BAIAP2L1: variants seen among roughly 807,000 people sequenced by gnomAD.
The protein encoded by BAIAP2L1 is BAR/IMD domain containing adaptor protein 2 like 1.
BAIAP2L1 carries 35 observed loss-of-function variants against 66.3 expected under a neutral mutation model. The observed-to-expected ratio is 0.53, with a 90% confidence interval of 0.40 to 0.70. The LOEUF (loss-of-function observed/expected upper bound fraction) is 0.70, where lower values mean the gene tolerates loss of function less well. Ranked by LOEUF, BAIAP2L1 falls within the 30% of genes least tolerant of loss-of-function variation. BAIAP2L1 has a pLI of 0.00. For synonymous variants in BAIAP2L1, 269 were observed against 248.7 expected (o/e 1.08, Z -0.77); for missense variants, 622 against 656.9 (o/e 0.95, Z 0.58).
chr7:98,359,745 G>GTTTTTTTTTTTTTT (rs780836343), intron 2 of BAIAP2L1, among the ~76,000 whole-genome samples: 11 of 109,052 alleles, frequency 1.0e-4, no homozygotes, highest in Non-Finnish European at 1.8e-4. Context: ...GTAGACCTGG[G>GTTTTTTTTTTTTTT]TTTTTTTTTT....
At chr7:98,386,277 A>G in intron 1 of BAIAP2L1, 1 of 1,595,872 alleles carries the variant, frequency 6.3e-7, no homozygotes, top group Non-Finnish European at 8.5e-7. Flanking sequence ...CACGGGTAAG[A>G]TCCATGCCAT....
intron 6 of BAIAP2L1, 57 bp downstream of exon 6, chr7:98,317,162 T>A (rs1475278881): frequency 2.5e-6 from 4 of 1,611,700 alleles, no homozygotes; most frequent in Non-Finnish European, 3.4e-6. Flanking sequence ...TAACCTCCTC[T>A]TAAACTGTGC....
At chr7:98,307,993 T>C in intron 9 of BAIAP2L1, 97 bp from the exon 10 acceptor site, 1 of 1,156,774 alleles carries the variant, frequency 8.6e-7, no homozygotes, top group Non-Finnish European at 1.3e-6. Flanking sequence ...TGTTCTCATC[T>C]TGCCAACAAT....
intron 1 of BAIAP2L1, among the ~76,000 whole-genome samples, chr7:98,362,963 A>G (rs1269778722): frequency 1.3e-5 from 2 of 150,438 alleles, no homozygotes; most frequent in Non-Finnish European, 2.9e-5. Context: ...CATTGGTAGC[A>G]TGTTGCTGAT....
At chr7:98,305,590 G>T (rs143755221) in intron 11 of BAIAP2L1, among the ~76,000 whole-genome samples, 28 of 152,138 alleles carry the variant, frequency 1.8e-4, no homozygotes, top group African/African-American at 5.3e-4. Flanking sequence ...CTGGCTAATT[G>T]TTTATTTTTT....
chr7:98,317,439 T>C, intron 5 of BAIAP2L1, 83 bp from the exon 6 acceptor site: 1 of 1,553,218 alleles, frequency 6.4e-7, no homozygotes, highest in Non-Finnish European at 8.8e-7. Flanking sequence ...ACTTCCACTG[T>C]GTGTGGCTCA....
chr7:98,382,732 A>G (rs1479882994), intron 1 of BAIAP2L1, among the ~76,000 whole-genome samples: 2 of 152,330 alleles, frequency 1.3e-5, no homozygotes, highest in Admixed American at 6.5e-5. Context: ...CTTTGGAACA[A>G]TGTCTCGTCC....
intron 3 of BAIAP2L1, among the ~76,000 whole-genome samples, chr7:98,338,814 C>T (rs978100089): frequency 1.3e-5 from 2 of 152,008 alleles, no homozygotes; most frequent in South Asian, 2.1e-4. Flanking sequence ...TGGCTCATGC[C>T]TTTAATCCCA....
At chr7:98,385,943 T>A (rs1010762047) in intron 1 of BAIAP2L1, 421 of 1,466,714 alleles carry the variant, frequency 2.9e-4, no homozygotes, top group Non-Finnish European at 3.8e-4. Context: ...TTCAGCATTT[T>A]TACTTTTCTA....
chr7:98,342,961 A>G (rs1347418110), intron 3 of BAIAP2L1, among the ~76,000 whole-genome samples: 1 of 152,000 alleles, frequency 6.6e-6, no homozygotes, highest in Non-Finnish European at 1.5e-5. Context: ...TGTACAGGTA[A>G]TGAAGGATTA....
In BAIAP2L1 at chr7:98,317,291, A is replaced by C; in HGVS notation, c.414T>G (p.Ala138=). The change falls in exon 6 of 14, where the codon GCT becomes GCG. Residue 138 remains alanine, a synonymous_variant. Coordinates refer to ENST00000005260, the MANE Select transcript of BAIAP2L1 (RefSeq NM_018842.5). ...NKLESLEKSQ[A]ELKKIRRKSQ... is the part of the protein sequence containing the mutation. Reference sequence around the variant, plus strand: ...TTTTCCTTCTGATCTTCTTCAACTCAGCTTGGGATTTCTCCAAAGACTCTA... The same window carrying C: ...TTTTCCTTCTGATCTTCTTCAACTCCGCTTGGGATTTCTCCAAAGACTCTA... 1 of 1,614,154 alleles carries C rather than the reference A, an allele frequency of 6.2e-7. No homozygotes were observed. The highest frequency in any genetic ancestry group is 1.3e-5 in the African/African-American group (1 of 75,042).
At chr7:98,304,929 G>A (rs530104476) in intron 11 of BAIAP2L1, among the ~76,000 whole-genome samples, 6 of 149,506 alleles carry the variant, frequency 4.0e-5, no homozygotes, top group East Asian at 2.0e-4. Context: ...GCAGTGGCGC[G>A]ATCTTGGCTC....
chr7:98,342,923 G>A (rs2115641007), intron 3 of BAIAP2L1, among the ~76,000 whole-genome samples: 1 of 151,956 alleles, frequency 6.6e-6, no homozygotes, highest in East Asian at 1.9e-4. Flanking sequence ...GGCACTGCTG[G>A]GTAGCTGTGC....
At chr7:98,301,242 G>A (rs894262046) in intron 12 of BAIAP2L1, among the ~76,000 whole-genome samples, 3 of 152,100 alleles carry the variant, frequency 2.0e-5, no homozygotes, top group African/African-American at 4.8e-5. Flanking sequence ...CCCTGTGGGC[G>A]TCACCTCCAC....
intron 3 of BAIAP2L1, among the ~76,000 whole-genome samples, chr7:98,331,237 G>A (rs559124678): frequency 3.3e-5 from 5 of 152,032 alleles, no homozygotes; most frequent in East Asian, 1.9e-4. Flanking sequence ...CAAGAACTGC[G>A]GGAAAATTAC....
intron 11 of BAIAP2L1, among the ~76,000 whole-genome samples, chr7:98,304,855 C>A (rs1157198455): frequency 2.0e-5 from 3 of 147,762 alleles, no homozygotes; most frequent in Non-Finnish European, 4.5e-5. Flanking sequence ...TAAACATATC[C>A]TCACAAGAAA....
chr7:98,309,235 C>G (rs919298489), intron 9 of BAIAP2L1: 8 of 151,584 alleles, frequency 5.3e-5, no homozygotes, highest in African/African-American at 2.0e-4. Context: ...ACTGCAACCT[C>G]TACCTCCTGG....
chr7:98,381,454 T>C (rs923556125), intron 1 of BAIAP2L1, among the ~76,000 whole-genome samples: 17 of 152,168 alleles, frequency 1.1e-4, no homozygotes, highest in African/African-American at 3.9e-4. Flanking sequence ...CCTGCAGGCT[T>C]ACCAGGCCCC....
At chr7:98,369,222 C>T (rs572396969) in intron 1 of BAIAP2L1, among the ~76,000 whole-genome samples, 1 of 152,180 alleles carries the variant, frequency 6.6e-6, no homozygotes, top group Non-Finnish European at 1.5e-5. Context: ...TGACTCATGC[C>T]TGTAATCCCA....
Sources: gnomAD v4.1 joint callset for allele counts (sites outside exome capture counted in the v4.1 genomes callset) on GRCh38, gnomAD v4.1.1 for gene constraint, MANE v1.5 for transcripts, NCBI Gene and HGNC (gene_info 2026-07-23, HGNC 2026-07-21) for gene names.